ATG16L2: variants seen among roughly 807,000 people sequenced by gnomAD.
The protein encoded by ATG16L2 is protein Atg16l2.
In ATG16L2, 77 loss-of-function variants were observed where a neutral mutation model predicts 84.7. That is an observed-to-expected ratio of 0.91 (90% CI 0.76 to 1.10). ATG16L2 has a LOEUF of 1.10. ATG16L2 is among the 50% of genes least tolerant of loss of function. The probability of loss-of-function intolerance (pLI) is 0.00; values close to 1 mark genes in which losing one functional copy is unlikely to be tolerated. For synonymous variants in ATG16L2, 361 were observed against 342.8 expected, an observed-to-expected ratio of 1.05 and a Z score of -0.59; for missense variants, 782 against 817.6, an observed-to-expected ratio of 0.96 and a Z score of 0.53.
chr11:72,841,357 A>G, intron 5 of ATG16L2: 1 of 1,162,242 alleles, frequency 8.6e-7, no homozygotes. Flanking sequence ...AAAAAAAAAA[A>G]AAAAAAAGCA....
intron 3 of ATG16L2, among the ~76,000 whole-genome samples, chr11:72,820,830 C>T (rs543321228): frequency 6.6e-6 from 1 of 152,098 alleles, no homozygotes; most frequent in Non-Finnish European, 1.5e-5. Flanking sequence ...TCCCACCGAC[C>T]CTGCTTGGCT....
rs1349413971 is a variant in ATG16L2 at position 72,816,800 on chromosome 11, T to A, written c.191T>A (p.Val64Asp). 1 of 1,614,094 alleles carries A rather than the reference T, an allele frequency of 6.2e-7. No homozygotes were observed. The highest frequency in any genetic ancestry group is 1.3e-5 in the African/African-American group (1 of 74,942). ...SKKLQPEPNS[V>D]TPTTHQGPWE... ...AAGCTGCAGCCGGAGCCAAACAGTGTCACTCCCACCACCCACCAGGGCCCC... is the reference window on the plus strand; with the variant it reads ...AAGCTGCAGCCGGAGCCAAACAGTGACACTCCCACCACCCACCAGGGCCCC... Residue 64 changes from valine to aspartate, a missense_variant, in exon 2 of 18, where the codon GTC (valine) becomes GAC (aspartate). Val to Asp is a radical substitution (Grantham distance 152). Transcript: ENST00000321297.
intron 1 of ATG16L2, among the ~76,000 whole-genome samples, chr11:72,815,702 G>T (rs368318423): frequency 1.4e-4 from 21 of 152,324 alleles, no homozygotes; most frequent in African/African-American, 4.6e-4. Flanking sequence ...GGGGGCTGAG[G>T]TGGGGTTTTC....
At chr11:72,821,207 G>A in intron 3 of ATG16L2, 1 of 987,938 alleles carries the variant, frequency 1.0e-6, no homozygotes, top group Non-Finnish European at 1.2e-6. Context: ...AGTGAGAGTG[G>A]CAGTACCAGC....
chr11:72,834,426 G>A (rs952060538), downstream of ATG16L2, among the ~76,000 whole-genome samples: 1 of 152,130 alleles, frequency 6.6e-6, no homozygotes. Context: ...CCAGTGGCTT[G>A]CTTTCTTTTC....
At chr11:72,828,842 C>G (rs72969813) in intron 16 of ATG16L2, 41 bp from the exon 17 acceptor site, 32,425 of 1,613,942 alleles carry the variant, frequency 0.02, 414 homozygotes, top group Non-Finnish European at 0.023. Context: ...GTGCCCTCCC[C>G]TCTGACCCCC....
chr11:72,820,670 G>A (rs2135088141), intron 3 of ATG16L2, among the ~76,000 whole-genome samples: 1 of 152,310 alleles, frequency 6.6e-6, no homozygotes, highest in African/African-American at 2.4e-5. Flanking sequence ...CGCCAACCGT[G>A]CTCCTCAGTC....
At chr11:72,836,238 T>C (rs1289510697) in intron 5 of ATG16L2, among the ~76,000 whole-genome samples, 1 of 152,210 alleles carries the variant, frequency 6.6e-6, no homozygotes, top group African/African-American at 2.4e-5. Context: ...AGCCTTTGAC[T>C]AAGAATGCTC....
chr11:72,814,422 G>T lies in ATG16L2; in HGVS notation c.-24G>T. 7.1e-7 allele frequency: 1 copy of T among 1,400,988 alleles called. No individual in the cohort carries two copies. The allele number at this position is 1,400,988 out of a possible 1,614,324, so 86.8% of individuals were successfully genotyped here. On this transcript the variant is annotated 5_prime_UTR_variant, in exon 1 of 18. Coordinates refer to ENST00000321297, the MANE Select transcript of ATG16L2 (RefSeq NM_033388.2). ...GCGCCGTCCTGGGCGGGAGGAACGC[G>T]CCGCTAGGCGGGAGAGCGCGGCCAT...
At chr11:72,821,771 G>A (rs1457588841) in intron 4 of ATG16L2, 30 bp downstream of exon 4, 1 of 1,528,858 alleles carries the variant, frequency 6.5e-7, no homozygotes, top group Non-Finnish European at 8.7e-7. Context: ...GGGAGGGACC[G>A]CGCCCACCTC....
chr11:72,827,964 A>C (rs1044306658), intron 14 of ATG16L2, among the ~76,000 whole-genome samples: 1 of 152,154 alleles, frequency 6.6e-6, no homozygotes, highest in Non-Finnish European at 1.5e-5. Flanking sequence ...AAAACAAAAC[A>C]AAACAAAAAA....
At chr11:72,828,849 C>T in intron 16 of ATG16L2, 34 bp from the exon 17 acceptor site, 3 of 1,613,868 alleles carry the variant, frequency 1.9e-6, no homozygotes, top group Non-Finnish European at 8.5e-7. Context: ...CCCCTCTGAC[C>T]CCCCGTTTTC....
chr11:72,816,931 T>G, intron 2 of ATG16L2, 104 bp downstream of exon 2: 4 of 497,020 alleles, frequency 8.0e-6, no homozygotes, highest in Non-Finnish European at 1.4e-5. Flanking sequence ...CATCAGCCCT[T>G]GGCTGCTGCC....
rs754143741 is a variant in ATG16L2 at position 72,827,308 on chromosome 11, C to T, written c.1472+15C>T. The T allele has an allele frequency of 6.2e-7, 1 of 1,602,368 alleles. No individual in the cohort carries two copies. The highest frequency in any genetic ancestry group is 8.5e-7 in the Non-Finnish European group (1 of 1,169,642). ...TGGGACAGCAGGTGACAGGCGCAGG[C>T]TGGGGGAGGACTTGGGGAGGGCTGG... On this transcript the variant is annotated intron_variant, in intron 14 of 17. Transcript: ENST00000321297.
At chr11:72,816,166 A>G (rs1281584610) in intron 1 of ATG16L2, 2 of 152,426 alleles carry the variant, frequency 1.3e-5, no homozygotes, top group African/African-American at 4.8e-5. Flanking sequence ...TTTTTAGTAG[A>G]GATGGGGGTT....
At chr11:72,838,516 T>A in intron 5 of ATG16L2, 1 of 495,934 alleles carries the variant, frequency 2.0e-6, no homozygotes, top group Non-Finnish European at 3.7e-6. Flanking sequence ...AACAGACCAC[T>A]GTTAGGCATG....
At chr11:72,830,621 CACCA>C (rs1860585985), downstream of ATG16L2, among the ~76,000 whole-genome samples, 3 of 152,342 alleles carry the variant, frequency 2.0e-5, no homozygotes, top group South Asian at 6.2e-4. Context: ...AGGTGCACAG[CACCA>C]TGCTCGGCCC....
At chr11:72,826,919 G>A (rs1860398188) in intron 13 of ATG16L2, 96 bp downstream of exon 13, 2 of 1,421,948 alleles carry the variant, frequency 1.4e-6, no homozygotes, top group African/African-American at 1.4e-5. Flanking sequence ...GAGTGGCTCT[G>A]AGATTCATAG....
chr11:72,815,452 TCAGA>T (rs754522632), intron 1 of ATG16L2, among the ~76,000 whole-genome samples: 11 of 152,168 alleles, frequency 7.2e-5, no homozygotes, highest in Admixed American at 4.6e-4. Context: ...TCTCCACTGC[TCAGA>T]CAGACAGTGG....
Sources: gnomAD v4.1 joint callset for allele counts (sites outside exome capture counted in the v4.1 genomes callset) on GRCh38, gnomAD v4.1.1 for gene constraint, MANE v1.5 for transcripts, NCBI Gene and HGNC (gene_info 2026-07-23, HGNC 2026-07-21) for gene names.